ZNF713: variants seen among roughly 807,000 people sequenced by gnomAD.
The protein encoded by ZNF713 is zinc finger protein 713.
A neutral mutation model predicts 28.7 loss-of-function variants in ZNF713; 21 were observed. The ratio of observed to expected loss-of-function variants is 0.73; its 90% CI spans 0.52 to 1.05. The LOEUF is 1.05. ZNF713 is among the 50% of genes least tolerant of loss of function. The pLI is 0.00. For missense variants in ZNF713, 458 were observed against 532.4 expected (o/e 0.86, Z 1.37); for synonymous variants, 167 against 178.0 (o/e 0.94, Z 0.49).
intron 6 of ZNF713, among the ~76,000 whole-genome samples, chr7:55,935,975 C>T (rs1028311083): frequency 3.4e-5 from 5 of 148,180 alleles, no homozygotes; most frequent in African/African-American, 1.0e-4. Flanking sequence ...AGAGAAAGAT[C>T]TGAGAGAGGC....
intron 1 of ZNF713, among the ~76,000 whole-genome samples, chr7:55,892,511 T>A (rs944662792): frequency 1.8e-5 from 2 of 110,288 alleles, no homozygotes; most frequent in African/African-American, 7.3e-5. Context: ...AATAGTTTTA[T>A]AACTTCCCCT....
intron 1 of ZNF713, among the ~76,000 whole-genome samples, chr7:55,902,433 T>C (rs112540768): frequency 1.2e-4 from 18 of 152,340 alleles, no homozygotes; most frequent in African/African-American, 4.3e-4. Context: ...GTCATGCTGT[T>C]ATAATTTACT....
intron 5 of ZNF713, 127 bp from the exon 6 acceptor site, chr7:55,923,480 G>A: frequency 9.2e-7 from 1 of 1,085,176 alleles, no homozygotes; most frequent in Non-Finnish European, 1.3e-6. Flanking sequence ...TTTGAGATGA[G>A]TGGCTTTATT....
At position 55,923,251 on chromosome 7, in the gene ZNF713, C is replaced by A. The variant is rs147455939; in HGVS notation, c.177C>A (p.Asp59Glu). 1.2e-6 allele frequency: 2 copies of A among 1,613,608 alleles called. No homozygotes were observed. Among genetic ancestry groups the A allele is most frequent in the Admixed American group, 3.3e-5 (2 of 59,886 alleles). ...CTGCCCAAAAGAACCTCTATCGAGA[C>A]GTGATGCTGGAGAACTACAGGAATC... Reference protein sequence around the residue: ...LYPAQKNLYRDVMLENYRNLV... With the variant: ...LYPAQKNLYREVMLENYRNLV... Residue 59 changes from aspartate to glutamate, a missense_variant, in exon 5 of 7, where the codon GAC becomes GAA. By Grantham distance (45) the Asp-to-Glu change is conservative. Transcript: ENST00000429591.
intron 4 of ZNF713, among the ~76,000 whole-genome samples, chr7:55,920,088 A>G (rs1029900705): frequency 6.6e-6 from 1 of 152,206 alleles, no homozygotes; most frequent in African/African-American, 2.4e-5. Context: ...AGGCCAAGTA[A>G]TAACCCTACA....
intron 6 of ZNF713, among the ~76,000 whole-genome samples, chr7:55,930,773 C>T (rs1786194516): frequency 6.6e-6 from 1 of 151,582 alleles, no homozygotes; most frequent in Non-Finnish European, 1.5e-5. Context: ...AATAAAACAA[C>T]CAAAAAACCA....
chr7:55,892,975 C>T (rs995184735), intron 1 of ZNF713, among the ~76,000 whole-genome samples: 6 of 151,484 alleles, frequency 4.0e-5, no homozygotes, highest in Non-Finnish European at 8.8e-5. Context: ...CTCCGTCTCC[C>T]GGGTTCACGC....
At chr7:55,902,844 G>A (rs1326979156) in intron 1 of ZNF713, among the ~76,000 whole-genome samples, 1 of 151,870 alleles carries the variant, frequency 6.6e-6, no homozygotes, top group Non-Finnish European at 1.5e-5. Context: ...TATTGTACCA[G>A]TAGCCGGATA....
chr7:55,913,641 C>T (rs1785828808), intron 4 of ZNF713, among the ~76,000 whole-genome samples: 1 of 152,136 alleles, frequency 6.6e-6, no homozygotes, highest in Non-Finnish European at 1.5e-5. Flanking sequence ...AAATTGCTAT[C>T]AAATTAGGTG....
At chr7:55,932,869 C>T (rs1258895426) in intron 6 of ZNF713, among the ~76,000 whole-genome samples, 4 of 101,542 alleles carry the variant, frequency 3.9e-5, no homozygotes, top group African/African-American at 8.3e-5. Flanking sequence ...CCGGCCTGGG[C>T]GACAGAGCGA....
intron 4 of ZNF713, among the ~76,000 whole-genome samples, chr7:55,921,748 G>A (rs1785996770): frequency 1.3e-5 from 2 of 152,212 alleles, no homozygotes; most frequent in Admixed American, 6.5e-5. Context: ...GACAATAGTG[G>A]ATTTAGAATA....
chr7:55,899,356 CAAAAAAAAAAA>C (rs71015114), intron 1 of ZNF713, among the ~76,000 whole-genome samples: 1 of 68,930 alleles, frequency 1.5e-5, no homozygotes, highest in South Asian at 6.3e-4. Context: ...GATTCCATCT[CAAAAAAAAAAA>C]AAAAAAAAAA....
chr7:55,915,070 G>A (rs1316752818), intron 4 of ZNF713, among the ~76,000 whole-genome samples: 1 of 152,190 alleles, frequency 6.6e-6, no homozygotes, highest in African/African-American at 2.4e-5. Flanking sequence ...GGCCAGGCTA[G>A]TCCGCCCCCA....
chr7:55,917,736 C>G (rs1451129484), intron 4 of ZNF713, among the ~76,000 whole-genome samples: 1 of 151,190 alleles, frequency 6.6e-6, no homozygotes, highest in Non-Finnish European at 1.5e-5. Context: ...ATTTTAAAGA[C>G]AGTTCACAGC....
chr7:55,909,975 G>A (rs1286419169), intron 2 of ZNF713, among the ~76,000 whole-genome samples: 3 of 150,926 alleles, frequency 2.0e-5, no homozygotes, highest in African/African-American at 7.3e-5. Context: ...ACGTTTATGT[G>A]TGTGTGTGTG....
intron 4 of ZNF713, chr7:55,918,218 G>T: frequency 2.4e-6 from 1 of 420,892 alleles, no homozygotes; most frequent in East Asian, 7.1e-5. Context: ...AGCCCATGGA[G>T]AAGCCCATAT....
intron 1 of ZNF713, among the ~76,000 whole-genome samples, chr7:55,889,320 T>G (rs1414901803): frequency 6.6e-6 from 1 of 152,090 alleles, no homozygotes. Context: ...CAGGCTGATC[T>G]CAAACTCCTG....
chr7:55,923,498 C>A, intron 5 of ZNF713, 109 bp from the exon 6 acceptor site: 1 of 1,129,010 alleles, frequency 8.9e-7, no homozygotes, highest in Non-Finnish European at 1.3e-6. Context: ...ATTTTGCTGC[C>A]TCTGAAGTCT....
Position 55,912,742 on chromosome 7 carries a change from T to A in ZNF713, c.87+19T>A, listed in dbSNP as rs1248524294. ...ATCTCAGGTAAGTTCAGTTTTCCTC[T>A]CCTCTGAAATGCCAGTGTTCTCAGA... On this transcript the variant is annotated intron_variant, in intron 4 of 6. Coordinates refer to ENST00000429591, the MANE Select transcript of ZNF713 (RefSeq NM_182633.3). 1.3e-6 allele frequency: 2 copies of A among 1,592,268 alleles called. No homozygotes were observed. Among genetic ancestry groups the A allele is most frequent in the Non-Finnish European group, 1.7e-6 (2 of 1,161,386 alleles).
Sources: allele counts gnomAD v4.1 joint callset (sites outside exome capture counted in the v4.1 genomes callset), GRCh38; gene constraint gnomAD v4.1.1; transcripts MANE v1.5; gene names NCBI Gene and HGNC (gene_info 2026-07-23, HGNC 2026-07-21).